Variants in EXO1 observed in about 807,000 individuals in gnomAD.
The protein encoded by EXO1 is exonuclease 1.
A neutral mutation model predicts 84.5 loss-of-function variants in EXO1; 69 were observed. The ratio of observed to expected loss-of-function variants is 0.82; its 90% CI spans 0.67 to 1.00. The LOEUF (loss-of-function observed/expected upper bound fraction) is 1.00, where lower values mean the gene tolerates loss of function less well. Among genes scored for constraint, EXO1 ranks in the 50% least tolerant of loss-of-function variants. The pLI, the probability that EXO1 is intolerant of heterozygous loss-of-function variation, is 0.00. For missense variants in EXO1, 1,045 were observed against 1,000.7 expected (o/e 1.04, Z -0.60); for synonymous variants, 373 against 366.1 (o/e 1.02, Z -0.21).
Position 241,857,363 on chromosome 1 carries a change from G to A in EXO1, c.424G>A (p.Val142Ile), listed in dbSNP as rs1422593249. ...KVIKAARSQG[V>I]DCLVAPYEAD... ...CTTCTAGGCTGCCCGGTCTCAGGGG[G>A]TAGATTGCCTCGTGGCTCCCTATGA... The change falls in exon 7 of 16, where the codon GTA becomes ATA. Residue 142 changes from valine (V) to isoleucine (I), a missense_variant. Val to Ile is a conservative substitution (Grantham distance 29). Transcript: ENST00000366548. The A allele has an allele frequency of 9.3e-6, 15 of 1,613,788 alleles. No homozygotes were observed. The South Asian group carries it at 1.5e-4, about 17-fold the overall frequency.
rs1165058695 is a variant in EXO1 at position 241,850,518 on chromosome 1, A to G, written c.93A>G (p.Thr31=). ...AAGGGCAGGTAGTAGCTGTGGATACATATTGCTGGCTTCACAAAGGAGCTA... is the reference window on the plus strand; with the variant it reads ...AAGGGCAGGTAGTAGCTGTGGATACGTATTGCTGGCTTCACAAAGGAGCTA... ...KYKGQVVAVD[T]YCWLHKGAIA... is the part of the protein sequence containing the mutation. Residue 31 remains threonine, a synonymous_variant, in exon 4 of 16, where the codon ACA becomes ACG. Transcript: ENST00000366548. 1.2e-6 allele frequency: 2 copies of G among 1,614,084 alleles called. No homozygotes were observed.
chr1:241,885,378 G>T lies in EXO1; in HGVS notation c.2276G>T (p.Gly759Val). The T allele has an allele frequency of 6.2e-7, 1 of 1,613,766 alleles. No homozygotes were observed. Among genetic ancestry groups the T allele is most frequent in the African/African-American group, 1.3e-5 (1 of 74,966 alleles). The part of the protein sequence containing the change: ...SLSTTKIKPL[G>V]PARASGLSKK... ...TCTACAACCAAGATCAAACCTCTAGGACCTGCCAGAGCCAGTGGGCTGAGC... is the reference window on the plus strand; with the variant it reads ...TCTACAACCAAGATCAAACCTCTAGTACCTGCCAGAGCCAGTGGGCTGAGC... Residue 759 changes from glycine to valine, a missense_variant, in exon 15 of 16, where the codon GGA (glycine) becomes GTA (valine). Gly to Val is a moderately radical substitution (Grantham distance 109). Transcript: ENST00000366548.
rs569342062 is a variant in EXO1 at position 241,864,438 on chromosome 1, G to T, written c.1042-2392G>T. Reference sequence around the variant, plus strand: ...TTTCAGACAAATGAATCTATCTTCAGAAATGCCTGCTATGTCTGTTACTCT... The same window carrying T: ...TTTCAGACAAATGAATCTATCTTCATAAATGCCTGCTATGTCTGTTACTCT... On this transcript the variant is annotated intron_variant, in intron 10 of 15. Transcript: ENST00000366548. Among the ~76,000 whole-genome samples the T allele has an allele frequency of 1.1e-3, 160 of 152,322 alleles. 1 individual carries two copies. Among genetic ancestry groups the T allele is most frequent in the African/African-American group, 3.5e-3 (144 of 41,574 alleles).
chr1:241,879,242 G>C lies in EXO1; in HGVS notation c.2008G>C (p.Glu670Gln), dbSNP rs777936235. 6 of 1,599,136 alleles carry C rather than the reference G, an allele frequency of 3.8e-6. No individual in the cohort carries two copies. The highest frequency in any genetic ancestry group is 5.1e-6 in the Non-Finnish European group (6 of 1,173,040). ...SDDESHPLRE[E>Q]ACSSQSQESG... is the part of the protein sequence containing the mutation. ...CGATGAGTCTCATCCCTTACGAGAA[G>C]AGGCATGTTCTTCACAGTCCCAGGA... The change falls in exon 13 of 16, where the codon GAG (glutamate) becomes CAG (glutamine). Residue 670 changes from glutamate (E) to glutamine (Q), a missense_variant. By Grantham distance (29) the Glu-to-Gln change is conservative. Transcript: ENST00000366548.
intron 10 of EXO1, among the ~76,000 whole-genome samples, chr1:241,864,236 A>G (rs1171319234): frequency 6.6e-6 from 1 of 152,178 alleles, no homozygotes; most frequent in Non-Finnish European, 1.5e-5. Flanking sequence ...GAATTCTCCA[A>G]TGTTGGAATG....
Position 241,857,371 on chromosome 1 carries a change from C to G in EXO1, c.432C>G (p.Cys144Trp), listed in dbSNP as rs756050889. The change falls in exon 7 of 16, where the codon TGC becomes TGG. Residue 144 changes from cysteine (C) to tryptophan (W), a missense_variant. Coordinates refer to ENST00000366548, the MANE Select transcript of EXO1 (RefSeq NM_130398.4). ...IKAARSQGVD[C>W]LVAPYEADAQ... ...CTGCCCGGTCTCAGGGGGTAGATTGCCTCGTGGCTCCCTATGAAGCTGATG... is the reference window on the plus strand; with the variant it reads ...CTGCCCGGTCTCAGGGGGTAGATTGGCTCGTGGCTCCCTATGAAGCTGATG... 6 of 1,613,860 alleles carry G rather than the reference C, an allele frequency of 3.7e-6. No homozygotes were observed. The Admixed American group carries it at 8.3e-5, about 22-fold the overall frequency.
In EXO1 at chr1:241,869,738, CCCTCCCTCCCTCCTTCCTTCCTTCCT is replaced by C. The variant is rs1661972865; in HGVS notation, c.1268-2293_1268-2268del. On this transcript the variant is annotated intron_variant, in intron 11 of 15. Coordinates refer to ENST00000366548, the MANE Select transcript of EXO1 (RefSeq NM_130398.4). ...GTACATTCATCTTCCTTCCTTCCTTCCCTCCCTCCCTCCTTCCTTCCTTCCTTCCCTCCCTCCCTCCTTCCTTCCTT... is the reference window on the plus strand; with the variant it reads ...GTACATTCATCTTCCTTCCTTCCTTCTCCCTCCCTCCCTCCTTCCTTCCTT... 6.5e-5 allele frequency among the ~76,000 whole-genome samples: 7 copies of C among 108,496 alleles called. No homozygotes were observed. The South Asian group carries it at 1.4e-3, about 21-fold the overall frequency. 71.2% of individuals were successfully genotyped at this position (108,496 alleles called of 152,430 possible). A position where few individuals can be genotyped will look rare whatever the true frequency, so the allele number is the denominator to read the frequency against.
At chr1:241,849,344 G>A (rs1660523777) in intron 3 of EXO1, 128 bp downstream of exon 3, 1 of 152,234 alleles carries the variant, frequency 6.6e-6, no homozygotes, top group Admixed American at 6.5e-5. Flanking sequence ...TTTTATTGTA[G>A]AGTGGGGGGA....
At chr1:241,860,945 G>A (rs1661348527) in intron 9 of EXO1, among the ~76,000 whole-genome samples, 2 of 152,180 alleles carry the variant, frequency 1.3e-5, no homozygotes, top group South Asian at 2.1e-4. Context: ...ACTGACAGTA[G>A]CATGCACAGG....
chr1:241,881,530 A>G (rs1312858411), intron 13 of EXO1, among the ~76,000 whole-genome samples: 1 of 152,200 alleles, frequency 6.6e-6, no homozygotes, highest in Non-Finnish European at 1.5e-5. Context: ...GTGTTACATG[A>G]TTAAAAGAAG....
chr1:241,867,124 A>C (rs529249322), intron 11 of EXO1, 69 bp downstream of exon 11: 1 of 1,160,010 alleles, frequency 8.6e-7, no homozygotes, highest in Admixed American at 1.8e-5. Flanking sequence ...TGCCCAACGC[A>C]AAGTCGCGAA....
At chr1:241,855,727 A>C (rs561681132) in intron 6 of EXO1, among the ~76,000 whole-genome samples, 2 of 152,220 alleles carry the variant, frequency 1.3e-5, no homozygotes, top group Non-Finnish European at 2.9e-5. Context: ...CCTGCCCCGC[A>C]GGAAGGCAGC....
intron 13 of EXO1, among the ~76,000 whole-genome samples, chr1:241,881,111 T>A (rs563868124): frequency 1.3e-5 from 2 of 152,282 alleles, no homozygotes; most frequent in Admixed American, 1.3e-4. Flanking sequence ...CACTGCAACC[T>A]CCACCTCCCG....
intron 6 of EXO1, among the ~76,000 whole-genome samples, chr1:241,856,070 G>C (rs986501330): frequency 6.6e-6 from 1 of 152,238 alleles, no homozygotes; most frequent in Admixed American, 6.5e-5. Flanking sequence ...GCCAAAGTGG[G>C]AGCCCAGGCA....
At chr1:241,874,348 A>G (rs945198405) in intron 12 of EXO1, among the ~76,000 whole-genome samples, 4 of 152,210 alleles carry the variant, frequency 2.6e-5, no homozygotes, top group East Asian at 3.8e-4. Flanking sequence ...GTGAACCATC[A>G]TGCCACTGCA....
Position 241,877,412 on chromosome 1 carries a change from G to A in EXO1, c.1515-1337G>A, listed in dbSNP as rs185038903. ...CCGTTGATTTAAAAATGAATTTGCC[G>A]TCCTATCTAGGAGCTCATGTTTTCT... On this transcript the variant is annotated intron_variant, in intron 12 of 15. Transcript: ENST00000366548. 5.5e-4 allele frequency among the ~76,000 whole-genome samples: 84 copies of A among 152,156 alleles called. 2 individuals are homozygous for A. The South Asian group carries it at 0.014, about 26-fold the overall frequency.
chr1:241,878,401 G>A (rs1368173697), intron 12 of EXO1, among the ~76,000 whole-genome samples: 1 of 151,640 alleles, frequency 6.6e-6, no homozygotes, highest in Non-Finnish European at 1.5e-5. Context: ...GGAGGCTGAG[G>A]CAGGAGAATT....
chr1:241,856,660 G>A (rs926745204), intron 6 of EXO1, among the ~76,000 whole-genome samples: 1 of 152,090 alleles, frequency 6.6e-6, no homozygotes, highest in Non-Finnish European at 1.5e-5. Context: ...TTTTTATGGG[G>A]AAGATATATT....
rs1237960443 is a variant in EXO1, at chr1:241,866,945, A to G, written c.1157A>G (p.Asp386Gly). The G allele has an allele frequency of 1.2e-6, 2 of 1,614,056 alleles. No individual in the cohort carries two copies. Among genetic ancestry groups the G allele is most frequent in the South Asian group, 2.2e-5 (2 of 91,076 alleles). ...SPRPESGTVS[D>G]APQLKENPST... ...AGACCAGAGTCGGGTACTGTTTCAG[A>G]TGCCCCACAATTGAAGGAAAATCCA... The change falls in exon 11 of 16, where the codon GAT becomes GGT. Residue 386 changes from aspartate to glycine, a missense_variant. Asp to Gly is a moderately conservative substitution (Grantham distance 94, BLOSUM62 -1). Transcript: ENST00000366548.
Sources: allele counts gnomAD v4.1 joint callset (sites outside exome capture counted in the v4.1 genomes callset), GRCh38; gene constraint gnomAD v4.1.1; transcripts MANE v1.5; gene names NCBI Gene and HGNC (gene_info 2026-07-23, HGNC 2026-07-21).